The following TSNARE1 variants were observed in gnomAD, a reference collection of about 807,000 sequenced individuals.
The protein encoded by TSNARE1 is t-SNARE domain containing 1.
Under a neutral mutation model 62.0 loss-of-function variants are expected in TSNARE1, and 49 were observed. The observed-to-expected ratio is 0.79, with a 90% CI of 0.63 to 1.00. The LOEUF (loss-of-function observed/expected upper bound fraction) is 1.00, where lower values mean the gene tolerates loss of function less well. Ranked by LOEUF, TSNARE1 falls within the 50% of genes least tolerant of loss-of-function variation. The pLI, the probability that TSNARE1 is intolerant of heterozygous loss-of-function variation, is 0.00. For missense variants in TSNARE1, 755 were observed against 700.1 expected (o/e 1.08, Z -0.88); for synonymous variants, 328 against 294.4 (o/e 1.11, Z -1.17).
At chr8:142,251,934 G>A (rs1028208529) in intron 12 of TSNARE1, among the ~76,000 whole-genome samples, 2 of 147,884 alleles carry the variant, frequency 1.4e-5, no homozygotes, top group African/African-American at 2.5e-5. Flanking sequence ...TGCAGGGCCC[G>A]GGCACCATGT....
intron 1 of TSNARE1, among the ~76,000 whole-genome samples, chr8:142,372,106 C>T (rs1835957390): frequency 6.6e-6 from 1 of 152,220 alleles, no homozygotes; most frequent in Non-Finnish European, 1.5e-5. Flanking sequence ...GCTTGGCAGA[C>T]ATTAACCTTG....
chr8:142,222,659 TTCAC>T (rs1223786956), intron 13 of TSNARE1, among the ~76,000 whole-genome samples: 21 of 83,500 alleles, frequency 2.5e-4, no homozygotes, highest in South Asian at 4.4e-4. Flanking sequence ...CATCCACTCA[TTCAC>T]TCACTCACTC....
At chr8:142,222,748 TCATCCAC>T (rs1169821386) in intron 13 of TSNARE1, among the ~76,000 whole-genome samples, 3 of 104,966 alleles carry the variant, frequency 2.9e-5, no homozygotes, top group African/African-American at 1.0e-4. Flanking sequence ...ACTCACTCAC[TCATCCAC>T]TCACTCACTC....
Position 142,287,329 on chromosome 8 carries a change from G to A in TSNARE1, c.1291-2844C>T, listed in dbSNP as rs1352456797. Among the ~76,000 whole-genome samples, 15 of 116,284 alleles carry A rather than the reference G, an allele frequency of 1.3e-4. No homozygotes were observed. The East Asian group carries it at 3.1e-3, about 24-fold the overall frequency. 76.3% of individuals were successfully genotyped at this position (116,284 alleles called of 152,430 possible). A position where few individuals can be genotyped will look rare whatever the true frequency, so the allele number is the denominator to read the frequency against. The stretch of plus-strand genomic sequence containing the variant: ...GGCCAGATCTCAGGGACAGTGGGCC[G>A]CCCTCCAGGTCGTGGAACCCAGGAC... On this transcript the variant is annotated intron_variant, in intron 10 of 13. Coordinates refer to ENST00000524325, the MANE Select transcript of TSNARE1 (RefSeq NM_145003.5).
At chr8:142,340,976 T>G (rs76571096) in intron 4 of TSNARE1, among the ~76,000 whole-genome samples, 4,291 of 152,334 alleles carry the variant, frequency 0.028, 68 homozygotes, top group East Asian at 0.067. Context: ...TAATACACTT[T>G]AGGGAGCCTG....
chr8:142,320,995 A>T (rs1829405940), intron 6 of TSNARE1, among the ~76,000 whole-genome samples: 1 of 152,204 alleles, frequency 6.6e-6, no homozygotes, highest in African/African-American at 2.4e-5. Flanking sequence ...CCTCCCTCAC[A>T]AACTGTTAGC....
intron 10 of TSNARE1, among the ~76,000 whole-genome samples, chr8:142,294,319 C>T (rs1159654510): frequency 1.3e-5 from 2 of 152,164 alleles, no homozygotes; most frequent in Non-Finnish European, 2.9e-5. Flanking sequence ...CAGCAAGGGC[C>T]CAAACACCAG....
intron 13 of TSNARE1, among the ~76,000 whole-genome samples, chr8:142,223,287 T>TTC (rs1218659940): frequency 0.054 from 286 of 5,288 alleles, 9 homozygotes; most frequent in East Asian, 0.22. Flanking sequence ...CACTCACTCA[T>TTC]ACTCACTCAA....
At chr8:142,225,233 C>T (rs4976971) in intron 13 of TSNARE1, among the ~76,000 whole-genome samples, 15,080 of 151,686 alleles carry the variant, frequency 0.099, 2,138 homozygotes, top group African/African-American at 0.31. Flanking sequence ...TTCGCCTGCC[C>T]TTGGAATACT....
intron 12 of TSNARE1, chr8:142,273,645 C>T (rs935910450): frequency 2.0e-6 from 2 of 985,272 alleles, no homozygotes; most frequent in Non-Finnish European, 2.4e-6. Flanking sequence ...TGGCCCCCGA[C>T]AGAAATGGGG....
chr8:142,366,625 G>A (rs946692143), intron 1 of TSNARE1, among the ~76,000 whole-genome samples: 1 of 152,138 alleles, frequency 6.6e-6, no homozygotes. Flanking sequence ...ACAAGAAGCT[G>A]TCTTATAATG....
chr8:142,242,662 CAT>C (rs1399758503), intron 12 of TSNARE1, among the ~76,000 whole-genome samples: 4 of 152,152 alleles, frequency 2.6e-5, no homozygotes, highest in Non-Finnish European at 4.4e-5. Context: ...TTGAAAGAGA[CAT>C]ACAAAAAGCT....
chr8:142,363,414 C>A (rs552608665), intron 1 of TSNARE1, among the ~76,000 whole-genome samples: 1 of 152,078 alleles, frequency 6.6e-6, no homozygotes, highest in Non-Finnish European at 1.5e-5. Context: ...TGGGTTAAAG[C>A]CCCGATTCAA....
In TSNARE1 at chr8:142,270,708, G is replaced by A. The variant is rs1197682056; in HGVS notation, c.1446+4073C>T. The A allele has an allele frequency of 4.1e-6, 4 of 985,242 alleles. No homozygotes were observed. In the African/African-American group the frequency reaches 5.2e-5, roughly 13 times the overall value. 61.0% of individuals were successfully genotyped at this position (985,242 alleles called of 1,614,324 possible). A position where few individuals can be genotyped will look rare whatever the true frequency, so the allele number is the denominator to read the frequency against. On this transcript the variant is annotated intron_variant, in intron 12 of 13. Transcript: ENST00000524325. ...CTGAGCCACCCTTTCCAGAGTTCCA[G>A]TGAGCAGGGGGCCCCTCAGTGCATC...
At chr8:142,355,843 C>T (rs535610351) in intron 1 of TSNARE1, among the ~76,000 whole-genome samples, 4 of 152,286 alleles carry the variant, frequency 2.6e-5, no homozygotes, top group South Asian at 4.1e-4. Flanking sequence ...TGTGACCCCA[C>T]GTTCCCTCTG....
chr8:142,231,036 T>TATCC (rs766604063), intron 12 of TSNARE1, among the ~76,000 whole-genome samples: 2 of 151,412 alleles, frequency 1.3e-5, no homozygotes, highest in Non-Finnish European at 2.9e-5. Flanking sequence ...TCTACCCACC[T>TATCC]ATCCATCCAT....
At chr8:142,400,295 C>T (rs1231293411) in intron 1 of TSNARE1, among the ~76,000 whole-genome samples, 2 of 151,114 alleles carry the variant, frequency 1.3e-5, no homozygotes, top group African/African-American at 2.4e-5. Flanking sequence ...AAATACAAAA[C>T]ATTAGCCAGG....
At chr8:142,374,942 C>A (rs766096151) in intron 1 of TSNARE1, among the ~76,000 whole-genome samples, 3 of 152,278 alleles carry the variant, frequency 2.0e-5, no homozygotes, top group Non-Finnish European at 4.4e-5. Context: ...CCGCCAGGGA[C>A]CCGGCGCCAG....
intron 9 of TSNARE1, among the ~76,000 whole-genome samples, chr8:142,311,557 A>T (rs944334656): frequency 3.9e-5 from 6 of 152,074 alleles, no homozygotes; most frequent in African/African-American, 1.4e-4. Context: ...TCGGCCTCCC[A>T]AAGTGCTGGG....
Sources: gnomAD v4.1 joint callset for allele counts (sites outside exome capture counted in the v4.1 genomes callset) on GRCh38, gnomAD v4.1.1 for gene constraint, MANE v1.5 for transcripts, NCBI Gene and HGNC (gene_info 2026-07-23, HGNC 2026-07-21) for gene names.